Variants in FUT8 observed in about 807,000 individuals in gnomAD.
FUT8 encodes the protein alpha-(1,6)-fucosyltransferase.
In FUT8, 29 loss-of-function variants were observed where a neutral mutation model predicts 71.3. The observed-to-expected ratio is 0.41, with a 90% confidence interval of 0.30 to 0.55. The LOEUF (loss-of-function observed/expected upper bound fraction) is 0.55, where lower values mean the gene tolerates loss of function less well. FUT8 is among the 20% of genes least tolerant of loss of function. FUT8 has a pLI of 0.34. For synonymous variants in FUT8, 254 were observed against 239.3 expected (o/e 1.06, Z -0.57); for missense variants, 544 against 702.1 (o/e 0.77, Z 2.55).
At chr14:65,530,052 T>G (rs1337473885) in intron 2 of FUT8, among the ~76,000 whole-genome samples, 1 of 152,188 alleles carries the variant, frequency 6.6e-6, no homozygotes, top group Non-Finnish European at 1.5e-5. Context: ...CACATGTAGA[T>G]TAGTATTGAT....
Position 65,722,684 on chromosome 14 carries a change from T to G in FUT8, c.1082+663T>G, listed in dbSNP as rs76331090. On this transcript the variant is annotated intron_variant, in intron 8 of 10. Transcript: ENST00000673929. ...ATAGAGCCCACTGAACAATTCCAAT[T>G]TCCCCAGAAAAAGAGTGATTATGAA... 5.7e-3 allele frequency among the ~76,000 whole-genome samples: 870 copies of G among 152,294 alleles called. 29 individuals carry two copies. The East Asian group carries it at 0.092, about 16-fold the overall frequency.
Position 65,742,211 on chromosome 14 carries a change from T to G in FUT8, c.1529T>G (p.Ile510Ser). The G allele has an allele frequency of 6.2e-7, 1 of 1,613,176 alleles. No individual in the cohort carries two copies. Among genetic ancestry groups the G allele is most frequent in the Non-Finnish European group, 8.5e-7 (1 of 1,179,440 alleles). Residue 510 changes from isoleucine to serine, a missense_variant, in exon 11 of 11, where the codon ATT (isoleucine) becomes AGT (serine). Coordinates refer to ENST00000673929, the MANE Select transcript of FUT8 (RefSeq NM_001371533.1). Reference sequence around the variant, plus strand: ...CAGAATGCCCACAATCAAATTGCCATTTATGCTCACCAACCCCGAACTGCA... The same window carrying G: ...CAGAATGCCCACAATCAAATTGCCAGTTATGCTCACCAACCCCGAACTGCA... ...GGQNAHNQIA[I>S]YAHQPRTADE...
chr14:65,440,452 A>T (rs2065636497), intron 1 of FUT8, among the ~76,000 whole-genome samples: 1 of 151,258 alleles, frequency 6.6e-6, no homozygotes, highest in African/African-American at 2.4e-5. Flanking sequence ...AGTAGCTGGG[A>T]TTACAGACAT....
rs950055056 is a variant in FUT8, at chr14:65,743,640, T to C, written c.*1230T>C. ...GGCTGTTTCAGAAGTATATGTCTCA[T>C]AGTGTGCAGAACTTGGTGACCAAGT... is the stretch of plus-strand genomic sequence containing the variant. On this transcript the variant is annotated 3_prime_UTR_variant, in exon 11 of 11. Transcript: ENST00000673929. 4.0e-5 allele frequency: 6 copies of C among 151,844 alleles called. No individual in the cohort carries two copies. The highest frequency in any genetic ancestry group is 3.9e-4 in the East Asian group (2 of 5,152). The allele number at this position is 151,844 out of a possible 1,614,324, so 9.4% of individuals were successfully genotyped here.
At chr14:65,399,304 G>A in the FUT8 span, among the ~76,000 whole-genome samples, 4 of 152,140 alleles carry the variant, frequency 2.6e-5, no homozygotes, top group Non-Finnish European at 5.9e-5. Context: ...GCGATAGAGC[G>A]AGACTCCATC....
chr14:65,390,182 T>A, the FUT8 span, among the ~76,000 whole-genome samples: 30 of 150,402 alleles, frequency 2.0e-4, no homozygotes, highest in Non-Finnish European at 2.2e-4. Flanking sequence ...AAAATAATAT[T>A]TATATATATA....
Position 65,468,112 on chromosome 14 carries a change from A to AACTTGCTTACAGC in FUT8, c.-228+12406_-228+12407insCACTTGCTTACAG, listed in dbSNP as rs1274130860. On this transcript the variant is annotated intron_variant, in intron 2 of 10. Coordinates refer to ENST00000673929, the MANE Select transcript of FUT8 (RefSeq NM_001371533.1). Reference sequence around the variant, plus strand: ...CATGCTGAGTAACGTGTTTGTTTACAACTTGCTTACAGTGCCAACAGCATG... The same window carrying AACTTGCTTACAGC: ...CATGCTGAGTAACGTGTTTGTTTACAACTTGCTTACAGCACTTGCTTACAGTGCCAACAGCATG... The AACTTGCTTACAGC allele has an allele frequency of 4.7e-6, 3 of 634,644 alleles. No homozygotes were observed. The African/African-American group carries it at 5.5e-5, about 12-fold the overall frequency. 39.3% of individuals were successfully genotyped at this position (634,644 alleles called of 1,614,324 possible).
At position 65,607,457 on chromosome 14, in the gene FUT8, ATT is replaced by A. The variant is rs1325096324; in HGVS notation, c.204-8518_204-8517del. ...TTGTTTCCATTGAGATTGTAATTTTATTTTGTTTTAATTTGTTAATGTAATCA... is the reference window on the plus strand; with the variant it reads ...TTGTTTCCATTGAGATTGTAATTTTATTGTTTTAATTTGTTAATGTAATCA... On this transcript the variant is annotated intron_variant, in intron 3 of 10. Transcript: ENST00000673929. The surrounding 1 kb of genome is among the most constrained non-coding windows in gnomAD (Gnocchi z 4.1). Among the ~76,000 whole-genome samples, 2 of 151,800 alleles carry A rather than the reference ATT, an allele frequency of 1.3e-5. No homozygotes were observed. The highest frequency in any genetic ancestry group is 4.8e-5 in the African/African-American group (2 of 41,410).
intron 1 of FUT8, among the ~76,000 whole-genome samples, chr14:65,424,241 C>G (rs1046889010): frequency 2.0e-5 from 3 of 152,210 alleles, no homozygotes; most frequent in Non-Finnish European, 2.9e-5. Flanking sequence ...CACTCTTGAG[C>G]TCACCTCATT....
At chr14:65,617,342 T>G in intron 5 of FUT8, 1 of 924,624 alleles carries the variant, frequency 1.1e-6, no homozygotes, top group Non-Finnish European at 1.5e-6. Flanking sequence ...TAGCATGGAT[T>G]TCAAGGGGCA....
At chr14:65,395,558 A>G in the FUT8 span, among the ~76,000 whole-genome samples, 512 of 152,364 alleles carry the variant, frequency 3.4e-3, 1 homozygote, top group Admixed American at 8.4e-3. Flanking sequence ...CCATGGCCCG[A>G]GCCATACCTT....
chr14:65,462,830 A>T (rs1384956962), intron 2 of FUT8, among the ~76,000 whole-genome samples: 1 of 152,260 alleles, frequency 6.6e-6, no homozygotes, highest in Non-Finnish European at 1.5e-5. Context: ...GGTTGAACCA[A>T]TGTTTTTAGA....
intron 1 of FUT8, among the ~76,000 whole-genome samples, chr14:65,451,654 C>T (rs925500086): frequency 1.3e-5 from 2 of 152,120 alleles, no homozygotes; most frequent in Admixed American, 6.5e-5. Flanking sequence ...ATGGTAAATG[C>T]AGGGGATTTT....
At chr14:65,729,575 G>T (rs1021189619) in intron 9 of FUT8, among the ~76,000 whole-genome samples, 3 of 149,324 alleles carry the variant, frequency 2.0e-5, no homozygotes, top group Non-Finnish European at 4.4e-5. Flanking sequence ...GAGTGCAGTA[G>T]CACAATCTCA....
chr14:65,687,958 G>T (rs1893379945), intron 7 of FUT8, among the ~76,000 whole-genome samples: 1 of 152,172 alleles, frequency 6.6e-6, no homozygotes, highest in African/African-American at 2.4e-5. Flanking sequence ...ATGAACTCCT[G>T]GCTTGAAGCA....
chr14:65,405,724 G>C (rs565864501), upstream of FUT8, among the ~76,000 whole-genome samples: 2 of 152,218 alleles, frequency 1.3e-5, no homozygotes, highest in East Asian at 3.8e-4. Context: ...GAGAATTCCA[G>C]TATAAGGATA....
the FUT8 span, among the ~76,000 whole-genome samples, chr14:65,392,923 C>A: frequency 6.6e-6 from 1 of 152,090 alleles, no homozygotes; most frequent in Non-Finnish European, 1.5e-5. Flanking sequence ...ATGTCCCAGG[C>A]GATACCTGGG....
At chr14:65,585,342 A>G (rs1270896179) in intron 3 of FUT8, among the ~76,000 whole-genome samples, 1 of 152,070 alleles carries the variant, frequency 6.6e-6, no homozygotes, top group East Asian at 1.9e-4. Flanking sequence ...TTGAGCCACC[A>G]TGGCTGGCTA....
At chr14:65,591,209 A>G (rs1371596870) in intron 3 of FUT8, among the ~76,000 whole-genome samples, 1 of 152,172 alleles carries the variant, frequency 6.6e-6, no homozygotes, top group East Asian at 1.9e-4. Context: ...CCATTTTAAT[A>G]TGGAGAAACT....
Sources: allele counts gnomAD v4.1 joint callset (sites outside exome capture counted in the v4.1 genomes callset), GRCh38; gene constraint gnomAD v4.1.1; non-coding constraint Gnocchi (gnomAD v3.1); transcripts MANE v1.5; gene names NCBI Gene and HGNC (gene_info 2026-07-23, HGNC 2026-07-21).